Variants in MET observed in about 807,000 individuals in gnomAD.
The protein encoded by MET is MET proto-oncogene, receptor tyrosine kinase.
MET carries 48 observed loss-of-function variants against 133.1 expected under a neutral mutation model. That is an observed-to-expected ratio of 0.36 (90% CI 0.29 to 0.46). MET has a LOEUF of 0.46. MET is among the 20% of genes least tolerant of loss of function. MET has a pLI of 1.00. For synonymous variants in MET, 628 were observed against 616.5 expected (o/e 1.02, Z -0.28); for missense variants, 1,442 against 1,695.9 (o/e 0.85, Z 2.63).
intron 1 of MET, among the ~76,000 whole-genome samples, chr7:116,696,050 G>A (rs115851641): frequency 0.013 from 1,939 of 152,016 alleles, 41 homozygotes; most frequent in African/African-American, 0.044. Flanking sequence ...TTTTTTTGTA[G>A]TAGAGATGGG....
chr7:116,774,435 G>A (rs902570217), intron 14 of MET, among the ~76,000 whole-genome samples: 4 of 152,128 alleles, frequency 2.6e-5, no homozygotes, highest in African/African-American at 9.7e-5. Flanking sequence ...TTTTCCCTTG[G>A]CCAGGAATCC....
intron 4 of MET, among the ~76,000 whole-genome samples, 179 bp downstream of exon 4, chr7:116,740,263 A>G (rs1160850346): frequency 2.6e-5 from 4 of 152,198 alleles, no homozygotes; most frequent in African/African-American, 9.7e-5. Context: ...GTTCTCCAAG[A>G]AAGACTAGAC....
chr7:116,677,657 G>A (rs1016753913), intron 1 of MET, among the ~76,000 whole-genome samples: 3 of 152,194 alleles, frequency 2.0e-5, no homozygotes, highest in South Asian at 2.1e-4. Context: ...CAGCATGCAT[G>A]GCCCGAGAGC....
rs377476551 is a variant in MET, at chr7:116,721,659, C to A, written c.1201-10009C>A. On this transcript the variant is annotated intron_variant, in intron 2 of 20. Transcript: ENST00000397752. ...TTCCCTCTCCACACTGCTTTGAATG[C>A]GTCCCAGAGATTCTGGTATGTTGTG... 6.1e-3 allele frequency among the ~76,000 whole-genome samples: 924 copies of A among 152,118 alleles called. 24 individuals carry two copies. Among genetic ancestry groups the A allele is most frequent in the East Asian group, 0.047 (245 of 5,184 alleles).
intron 1 of MET, among the ~76,000 whole-genome samples, chr7:116,680,611 A>T (rs950590012): frequency 6.6e-6 from 1 of 152,116 alleles, no homozygotes; most frequent in Non-Finnish European, 1.5e-5. Flanking sequence ...ATTAAGAATC[A>T]GGCTGCCTGA....
rs541103845 is a variant in MET at position 116,729,132 on chromosome 7, C to T, written c.1201-2536C>T. 2.4e-4 allele frequency among the ~76,000 whole-genome samples: 37 copies of T among 152,322 alleles called. No homozygotes were observed. The South Asian group carries it at 4.4e-3, about 18-fold the overall frequency. Reference sequence around the variant, plus strand: ...TAATTATCAATTAATCGGTTGCTATCGAATTGCTGGTACATCTCAGTTATC... The same window carrying T: ...TAATTATCAATTAATCGGTTGCTATTGAATTGCTGGTACATCTCAGTTATC... On this transcript the variant is annotated intron_variant, in intron 2 of 20. Coordinates refer to ENST00000397752, the MANE Select transcript of MET (RefSeq NM_000245.4).
chr7:116,688,954 CT>C (rs1027526121), intron 1 of MET, among the ~76,000 whole-genome samples: 4 of 152,166 alleles, frequency 2.6e-5, no homozygotes, highest in South Asian at 2.1e-4. Flanking sequence ...AGAGCACCCC[CT>C]GGAAACATTA....
chr7:116,726,369 A>G (rs1314101981), intron 2 of MET, among the ~76,000 whole-genome samples: 1 of 150,540 alleles, frequency 6.6e-6, no homozygotes, highest in East Asian at 2.0e-4. Flanking sequence ...TGCCCAGAAA[A>G]TATTCTTTAT....
In MET at chr7:116,699,766, T is replaced by C. The variant is rs921083171; in HGVS notation, c.682T>C (p.Phe228Leu). 11 of 1,614,098 alleles carry C rather than the reference T, an allele frequency of 6.8e-6. No homozygotes were observed. The highest frequency in any genetic ancestry group is 4.2e-6 in the Non-Finnish European group (5 of 1,179,962). ...RLKETKDGFM[F>L]LTDQSYIDVL... ...AAAGGAAACGAAAGATGGTTTTATG[T>C]TTTTGACGGACCAGTCCTACATTGA... Residue 228 changes from phenylalanine (F) to leucine (L), a missense_variant, in exon 2 of 21, where the codon TTT becomes CTT. This residue lies in a region of MET where 762 missense variants were observed against 792.4 expected (regional missense o/e 0.96). Coordinates refer to ENST00000397752, the MANE Select transcript of MET (RefSeq NM_000245.4).
chr7:116,742,781 C>A (rs1793510002), intron 5 of MET, among the ~76,000 whole-genome samples: 1 of 152,164 alleles, frequency 6.6e-6, no homozygotes, highest in Non-Finnish European at 1.5e-5. Flanking sequence ...TTGCGTGCTA[C>A]CATGCACAAG....
At chr7:116,760,296 C>CT (rs1253171578) in intron 10 of MET, among the ~76,000 whole-genome samples, 4 of 152,004 alleles carry the variant, frequency 2.6e-5, no homozygotes, top group Admixed American at 6.6e-5. Flanking sequence ...TTTGTTAGCT[C>CT]TTTCTTGAAA....
At chr7:116,707,336 T>C (rs1015066987) in intron 2 of MET, among the ~76,000 whole-genome samples, 2 of 152,188 alleles carry the variant, frequency 1.3e-5, no homozygotes, top group East Asian at 3.9e-4. Flanking sequence ...ACTTCATTTG[T>C]CTTATTTGGG....
intron 1 of MET, among the ~76,000 whole-genome samples, chr7:116,678,921 T>A (rs1584851088): frequency 3.3e-5 from 5 of 152,014 alleles, no homozygotes; most frequent in Admixed American, 3.3e-4. Flanking sequence ...CAGAAAAAAA[T>A]AGGAAGTTGG....
chr7:116,738,303 G>A (rs1793303387), intron 3 of MET, among the ~76,000 whole-genome samples: 1 of 152,178 alleles, frequency 6.6e-6, no homozygotes, highest in African/African-American at 2.4e-5. Flanking sequence ...AGGGAGTTAA[G>A]ATTGCAAAAT....
chr7:116,748,774 A>G (rs1793799472), intron 5 of MET, among the ~76,000 whole-genome samples: 1 of 152,224 alleles, frequency 6.6e-6, no homozygotes, highest in Non-Finnish European at 1.5e-5. Flanking sequence ...TAAAGGGGAT[A>G]TCACCACTGA....
chr7:116,745,190 G>C (rs1562912594), intron 5 of MET, among the ~76,000 whole-genome samples: 1 of 152,114 alleles, frequency 6.6e-6, no homozygotes, highest in Non-Finnish European at 1.5e-5. Context: ...TTGCTTCAAA[G>C]AGAATAAAAT....
chr7:116,764,043 A>G (rs1480832177), intron 11 of MET, among the ~76,000 whole-genome samples: 2 of 152,202 alleles, frequency 1.3e-5, no homozygotes, highest in Non-Finnish European at 2.9e-5. Flanking sequence ...TTTTTCCTGA[A>G]AGATGATCTG....
rs1478309709 is a variant in MET at position 116,751,785 on chromosome 7, G to A, written c.1702-3570G>A. ...CTTGTAAGGTTGAAAATTCAGGCCG[G>A]GCGTGGTGGCTCATGTCTGTAATCC... On this transcript the variant is annotated intron_variant, in intron 5 of 20. Coordinates refer to ENST00000397752, the MANE Select transcript of MET (RefSeq NM_000245.4). Among the ~76,000 whole-genome samples, 3 of 152,254 alleles carry A rather than the reference G, an allele frequency of 2.0e-5. No individual in the cohort carries two copies. In the South Asian group the frequency reaches 6.2e-4, roughly 32 times the overall value.
chr7:116,727,690 A>G (rs1245903856), intron 2 of MET, among the ~76,000 whole-genome samples: 1 of 152,144 alleles, frequency 6.6e-6, no homozygotes, highest in African/African-American at 2.4e-5. Context: ...ACAGGTAGCA[A>G]GGGGACCCCT....
Sources: gnomAD v4.1 joint callset for allele counts (sites outside exome capture counted in the v4.1 genomes callset) on GRCh38, gnomAD v4.1.1 for gene constraint, gnomAD v4.1.1 regional missense constraint, MANE v1.5 for transcripts, NCBI Gene and HGNC (gene_info 2026-07-23, HGNC 2026-07-21) for gene names.